The following ATIC variants were observed in gnomAD, a reference collection of about 807,000 sequenced individuals.
ATIC encodes the protein bifunctional purine biosynthesis protein ATIC.
Under a neutral mutation model 72.5 loss-of-function variants are expected in ATIC, and 64 were observed. The ratio of observed to expected loss-of-function variants is 0.88; its 90% CI spans 0.72 to 1.09. The LOEUF (loss-of-function observed/expected upper bound fraction) is 1.09. ATIC is among the 50% of genes least tolerant of loss of function. The pLI is 0.00. For synonymous variants in ATIC, 281 were observed against 267.1 expected, an observed-to-expected ratio of 1.05 and a Z score of -0.51; for missense variants, 787 against 732.4, an observed-to-expected ratio of 1.07 and a Z score of -0.86.
downstream of ATIC, among the ~76,000 whole-genome samples, chr2:215,351,351 G>T (rs2053129043): frequency 6.6e-6 from 1 of 152,230 alleles, no homozygotes; most frequent in Admixed American, 6.5e-5. Context: ...AAGCCACAAA[G>T]TTCTGGGGTA....
At chr2:215,363,321 T>C in the ATIC span, 9 of 152,170 alleles carry the variant, frequency 5.9e-5, no homozygotes, top group African/African-American at 1.9e-4. Flanking sequence ...CACAATTTCA[T>C]ACCAGAATGA....
At chr2:215,349,395 G>A in intron 15 of ATIC, 141 bp from the exon 16 acceptor site, 1 of 1,560,608 alleles carries the variant, frequency 6.4e-7, no homozygotes, top group South Asian at 1.1e-5. Context: ...CCATTGGGTG[G>A]ATGGAGAACC....
intron 2 of ATIC, among the ~76,000 whole-genome samples, chr2:215,314,883 TAAG>T (rs2105989047): frequency 6.6e-6 from 1 of 152,276 alleles, no homozygotes; most frequent in Admixed American, 6.5e-5. Flanking sequence ...CAGGTTATAA[TAAG>T]AGAAAAGCAT....
At chr2:215,312,299 C>T (rs1553568158) in intron 1 of ATIC, 138 bp downstream of exon 1, 7 of 1,442,462 alleles carry the variant, frequency 4.9e-6, no homozygotes, top group Admixed American at 2.4e-5. Context: ...GCTCCCCGGC[C>T]GGGCCGCAGC....
chr2:215,347,051 A>C, intron 14 of ATIC, 110 bp downstream of exon 14: 1 of 1,327,652 alleles, frequency 7.5e-7, no homozygotes. Flanking sequence ...CTTTCATTGA[A>C]ATTCTATGTT....
the ATIC span, among the ~76,000 whole-genome samples, chr2:215,357,486 T>G: frequency 2.0e-5 from 3 of 152,188 alleles, no homozygotes; most frequent in African/African-American, 7.2e-5. Flanking sequence ...AAAGAGTAAG[T>G]AAAAAGGAAT....
Position 215,334,921 on chromosome 2 carries a change from G to A in ATIC, c.925G>A (p.Ala309Thr), listed in dbSNP as rs956941513. 6.2e-7 allele frequency: 1 copy of A among 1,612,704 alleles called. No individual in the cohort carries two copies. ...ISAAYARARG[A>T]DRMSSFGDFV... Reference sequence around the variant, plus strand: ...CCTCATTTTAATTTTATTTACAGGGGCTGATAGGATGTCTTCATTTGGTGA... The same window carrying A: ...CCTCATTTTAATTTTATTTACAGGGACTGATAGGATGTCTTCATTTGGTGA... Residue 309 changes from alanine to threonine, a missense_variant and splice_region_variant, in exon 10 of 16, where the codon GCT (alanine) becomes ACT (threonine). Physicochemically the swap from Ala to Thr is moderately conservative, Grantham distance 58. Transcript: ENST00000236959.
chr2:215,353,600 G>A (rs1289576591), downstream of ATIC, among the ~76,000 whole-genome samples: 1 of 151,940 alleles, frequency 6.6e-6, no homozygotes, highest in Admixed American at 6.6e-5. Context: ...TCATTCATGT[G>A]GCCCAGGCTG....
At chr2:215,352,694 A>T (rs1013123157), downstream of ATIC, among the ~76,000 whole-genome samples, 5 of 152,218 alleles carry the variant, frequency 3.3e-5, no homozygotes, top group Non-Finnish European at 7.3e-5. Flanking sequence ...TCAAATACCC[A>T]GTCACCTTTA....
chr2:215,342,421 G>A lies in ATIC; in HGVS notation c.1228-2358G>A, dbSNP rs190418443. Among the ~76,000 whole-genome samples the A allele has an allele frequency of 8.5e-5, 13 of 152,104 alleles. No homozygotes were observed. In the East Asian group the frequency reaches 1.9e-3, roughly 23 times the overall value. On this transcript the variant is annotated intron_variant, in intron 12 of 15. Coordinates refer to ENST00000236959, the MANE Select transcript of ATIC (RefSeq NM_004044.7). ...CAGTTGTAAGAGTTCCCATGTAACC[G>A]TTACCCTATTTCTCCTAATGCTAGC...
At chr2:215,361,313 CG>C in the ATIC span, 1 of 500,216 alleles carries the variant, frequency 2.0e-6, no homozygotes, top group Non-Finnish European at 3.6e-6. Flanking sequence ...AAATACTGAG[CG>C]GTATTGAATA....
chr2:215,321,794 CTT>C (rs1219874482), intron 4 of ATIC, among the ~76,000 whole-genome samples: 1 of 152,140 alleles, frequency 6.6e-6, no homozygotes, highest in Non-Finnish European at 1.5e-5. Context: ...GTTGAGACCT[CTT>C]GTCCATTTTT....
chr2:215,361,657 A>C, the ATIC span: 3 of 1,505,548 alleles, frequency 2.0e-6, no homozygotes, highest in East Asian at 6.8e-5. Flanking sequence ...AAAAAAAATT[A>C]GTGGCAAATA....
chr2:215,335,233 A>C (rs1483026241), intron 10 of ATIC, among the ~76,000 whole-genome samples: 1 of 152,130 alleles, frequency 6.6e-6, no homozygotes, highest in Non-Finnish European at 1.5e-5. Flanking sequence ...GATGTTTTTT[A>C]CTTATATATT....
intron 7 of ATIC, among the ~76,000 whole-genome samples, chr2:215,328,780 C>T (rs1050142077): frequency 3.4e-5 from 5 of 148,768 alleles, no homozygotes; most frequent in South Asian, 2.1e-4. Context: ...TGCAGTGGTG[C>T]GATCTTGGCT....
chr2:215,365,823 TGAGACAAAGTC>T, the ATIC span: 1 of 241,778 alleles, frequency 4.1e-6, no homozygotes, highest in Non-Finnish European at 7.3e-6. Flanking sequence ...TTTTTTTTTT[TGAGACAAAGTC>T]TTTCTCTGTC....
chr2:215,330,501 G>T (rs951553240), intron 7 of ATIC, among the ~76,000 whole-genome samples: 3 of 152,032 alleles, frequency 2.0e-5, no homozygotes, highest in Non-Finnish European at 2.9e-5. Context: ...AACCGATTTT[G>T]ATTCATTATT....
At chr2:215,365,801 TTTTTA>T in the ATIC span, 5 of 278,912 alleles carry the variant, frequency 1.8e-5, no homozygotes, top group South Asian at 3.6e-4. Context: ...ATTTATTTAC[TTTTTA>T]TTTTTTTTTT....
intron 3 of ATIC, 25 bp from the exon 4 acceptor site, chr2:215,319,640 A>T: frequency 6.5e-7 from 1 of 1,533,284 alleles, no homozygotes; most frequent in Non-Finnish European, 9.0e-7. Context: ...GAAGCTAATG[A>T]CTTTGTTTAA....
Sources: allele counts gnomAD v4.1 joint callset (sites outside exome capture counted in the v4.1 genomes callset), GRCh38; gene constraint gnomAD v4.1.1; transcripts MANE v1.5; gene names NCBI Gene and HGNC (gene_info 2026-07-23, HGNC 2026-07-21).